Variants in PSMA1 observed in about 807,000 individuals in gnomAD.
The protein encoded by PSMA1 is proteasome subunit alpha type-1.
In PSMA1, 3 loss-of-function variants were observed where a neutral mutation model predicts 38.4. The observed-to-expected ratio is 0.08, with a 90% CI of 0.04 to 0.20. The LOEUF (loss-of-function observed/expected upper bound fraction) is 0.20. PSMA1 is among the 10% of genes least tolerant of loss of function. PSMA1 has a pLI of 1.00. For synonymous variants in PSMA1, 101 were observed against 107.1 expected (o/e 0.94, Z 0.35); for missense variants, 227 against 325.3 (o/e 0.70, Z 2.32).
Position 14,617,697 on chromosome 11 carries a change from A to ATGTGTG in PSMA1, c.-165-6552_-165-6547dup, listed in dbSNP as rs71913143. On this transcript the variant is annotated intron_variant, in intron 1 of 10. Transcript: ENST00000418988. ...TACATATATATACGTATATATATATATGTGTGTGTGTGTGTGTGTGTGTGT... is the reference window on the plus strand; with the variant it reads ...TACATATATATACGTATATATATATATGTGTGTGTGTGTGTGTGTGTGTGTGTGTGT... Among the ~76,000 whole-genome samples the ATGTGTG allele has an allele frequency of 4.0e-4, 53 of 133,916 alleles. No individual in the cohort carries two copies. The South Asian group carries it at 7.0e-3, about 18-fold the overall frequency. 87.9% of individuals were successfully genotyped at this position (133,916 alleles called of 152,430 possible).
At chr11:14,595,214 A>T (rs1238659497) in intron 2 of PSMA1, among the ~76,000 whole-genome samples, 2 of 152,208 alleles carry the variant, frequency 1.3e-5, no homozygotes, top group Non-Finnish European at 2.9e-5. Context: ...CACAATAAAC[A>T]TACGTGTGCA....
chr11:14,512,589 T>C (rs1434130901), intron 7 of PSMA1, among the ~76,000 whole-genome samples: 4 of 152,174 alleles, frequency 2.6e-5, no homozygotes, highest in Admixed American at 1.3e-4. Flanking sequence ...GAGTTTCTAA[T>C]GAGCTTCTCT....
chr11:14,629,035 T>G (rs757053939), intron 1 of PSMA1, among the ~76,000 whole-genome samples: 1,943 of 151,410 alleles, frequency 0.013, 15 homozygotes, highest in Middle Eastern at 0.034. Context: ...TCTTGTAAAT[T>G]TGTTTGAGTT....
intron 1 of PSMA1, among the ~76,000 whole-genome samples, chr11:14,622,564 G>A (rs140959638): frequency 8.5e-5 from 13 of 152,328 alleles, no homozygotes; most frequent in Non-Finnish European, 1.0e-4. Flanking sequence ...TTTTAGGAAT[G>A]CAATGGTCAT....
At chr11:14,558,830 G>C (rs1851972497) in intron 2 of PSMA1, among the ~76,000 whole-genome samples, 2 of 152,200 alleles carry the variant, frequency 1.3e-5, no homozygotes, top group African/African-American at 4.8e-5. Flanking sequence ...GAAATCTACT[G>C]GTTAGGAACA....
chr11:14,585,681 C>T (rs1326756373), intron 2 of PSMA1, among the ~76,000 whole-genome samples: 1 of 152,140 alleles, frequency 6.6e-6, no homozygotes, highest in East Asian at 1.9e-4. Context: ...AAATTTGCCC[C>T]TCTTTTATTC....
rs147523584 is a variant in PSMA1, at chr11:14,621,411, C to T, written c.-165-10260G>A. Among the ~76,000 whole-genome samples, 12 of 152,118 alleles carry T rather than the reference C, an allele frequency of 7.9e-5. No homozygotes were observed. In the East Asian group the frequency reaches 2.1e-3, roughly 27 times the overall value. On this transcript the variant is annotated intron_variant, in intron 1 of 10. Coordinates refer to the PSMA1 transcript ENST00000418988. ...TAGCTGGGACTACAGGCATGCGCCA[C>T]CACCCCCAGCTAATTTTCAATGTTT...
chr11:14,601,940 G>A lies in PSMA1; in HGVS notation c.21+9026C>T, dbSNP rs1021117139. ...AAGGTAAGGATATCAATGTTTACCC[G>A]CACCCTTCACCATTCTCCACCTTTA... On this transcript the variant is annotated intron_variant, in intron 2 of 10. Coordinates refer to the PSMA1 transcript ENST00000418988. Among the ~76,000 whole-genome samples, 4 of 152,126 alleles carry A rather than the reference G, an allele frequency of 2.6e-5. No individual in the cohort carries two copies. In the East Asian group the frequency reaches 5.8e-4, roughly 22 times the overall value.
chr11:14,633,919 C>A (rs1853074646), intron 1 of PSMA1, among the ~76,000 whole-genome samples: 1 of 152,170 alleles, frequency 6.6e-6, no homozygotes, highest in Non-Finnish European at 1.5e-5. Flanking sequence ...CGTCTGTCAC[C>A]CCTTTCTTTG....
chr11:14,565,954 G>C (rs1256276682), intron 2 of PSMA1, among the ~76,000 whole-genome samples: 1 of 152,200 alleles, frequency 6.6e-6, no homozygotes, highest in African/African-American at 2.4e-5. Flanking sequence ...AAGGAATTAG[G>C]GGAGTTACTC....
chr11:14,602,205 G>A (rs962364456), intron 2 of PSMA1, among the ~76,000 whole-genome samples: 2 of 152,180 alleles, frequency 1.3e-5, no homozygotes, highest in Non-Finnish European at 2.9e-5. Flanking sequence ...CAATTGGAGA[G>A]GGAATTTCAG....
In PSMA1 at chr11:14,536,015, C is replaced by T. The variant is rs774487278; in HGVS notation, c.22-16974G>A. On this transcript the variant is annotated intron_variant, in intron 2 of 10. Coordinates refer to the PSMA1 transcript ENST00000418988. The stretch of plus-strand genomic sequence containing the variant: ...CTCTTTTGTTGGTCCACAAGTAGGG[C>T]TTTTATATAAGAGCCACTCTGAAGT... 2.6e-5 allele frequency among the ~76,000 whole-genome samples: 4 copies of T among 152,058 alleles called. No homozygotes were observed. The South Asian group carries it at 8.3e-4, about 32-fold the overall frequency.
intron 2 of PSMA1, among the ~76,000 whole-genome samples, chr11:14,587,002 C>T (rs139193053): frequency 6.6e-5 from 10 of 152,100 alleles, no homozygotes; most frequent in Admixed American, 3.3e-4. Flanking sequence ...CCTCGTGATC[C>T]GCCTGCCTCG....
At chr11:14,602,920 A>G (rs997540805) in intron 2 of PSMA1, among the ~76,000 whole-genome samples, 6 of 152,164 alleles carry the variant, frequency 3.9e-5, no homozygotes, top group Non-Finnish European at 7.3e-5. Flanking sequence ...CCTGATTTCC[A>G]TGGCTGTGCG....
intron 2 of PSMA1, among the ~76,000 whole-genome samples, chr11:14,537,768 C>T (rs1217155322): frequency 6.7e-6 from 1 of 148,708 alleles, no homozygotes; most frequent in Non-Finnish European, 1.5e-5. Context: ...GAGTGCAGTG[C>T]CATGATCTCA....
intron 2 of PSMA1, among the ~76,000 whole-genome samples, chr11:14,549,110 C>T (rs1851858964): frequency 6.6e-6 from 1 of 151,862 alleles, no homozygotes; most frequent in South Asian, 2.1e-4. Flanking sequence ...GAAAAAGATA[C>T]ATTACAATAT....
intron 2 of PSMA1, among the ~76,000 whole-genome samples, chr11:14,565,010 C>A (rs761210586): frequency 6.6e-6 from 1 of 152,124 alleles, no homozygotes; most frequent in Non-Finnish European, 1.5e-5. Context: ...AACTCCTGGG[C>A]TCAAGTAATC....
chr11:14,600,167 T>C (rs942773519), intron 2 of PSMA1, among the ~76,000 whole-genome samples: 1 of 152,172 alleles, frequency 6.6e-6, no homozygotes, highest in East Asian at 1.9e-4. Context: ...TGGCCACTAC[T>C]GGGAGGTGTC....
intron 2 of PSMA1, among the ~76,000 whole-genome samples, chr11:14,583,407 T>C (rs1852305506): frequency 6.6e-6 from 1 of 152,132 alleles, no homozygotes; most frequent in Non-Finnish European, 1.5e-5. Context: ...TGCAGACGAG[T>C]GCCTTCAGGG....
Sources: gnomAD v4.1 joint callset for allele counts (sites outside exome capture counted in the v4.1 genomes callset) on GRCh38, gnomAD v4.1.1 for gene constraint, MANE v1.5 for transcripts, NCBI Gene and HGNC (gene_info 2026-07-23, HGNC 2026-07-21) for gene names.